The following MMP26 variants were observed in gnomAD, a reference collection of about 807,000 sequenced individuals.
MMP26 encodes the protein matrix metallopeptidase 26, also known as matrix metalloproteinase-26.
Under a neutral mutation model 31.0 loss-of-function variants are expected in MMP26, and 33 were observed. The ratio of observed to expected loss-of-function variants is 1.06; its 90% CI spans 0.81 to 1.42. MMP26 has a LOEUF of 1.42. MMP26 is among the 40% of genes most tolerant of loss of function. The pLI is 0.00. For missense variants in MMP26, 347 were observed against 316.1 expected, an observed-to-expected ratio of 1.10 and a Z score of -0.74; for synonymous variants, 122 against 114.9, an observed-to-expected ratio of 1.06 and a Z score of -0.40.
chr11:4,858,732 C>T (rs1850096248), intron 2 of MMP26, among the ~76,000 whole-genome samples: 1 of 152,082 alleles, frequency 6.6e-6, no homozygotes, highest in Admixed American at 6.5e-5. Context: ...CTTTAAAGTT[C>T]ATATGGAACC....
At chr11:4,888,159 A>G (rs1178866962) in intron 2 of MMP26, among the ~76,000 whole-genome samples, 1 of 152,182 alleles carries the variant, frequency 6.6e-6, no homozygotes, top group East Asian at 1.9e-4. Flanking sequence ...TGTTAATAAT[A>G]GTTTTCTAAT....
At chr11:4,762,292 T>C (rs760235653) in intron 1 of MMP26, among the ~76,000 whole-genome samples, 4 of 152,180 alleles carry the variant, frequency 2.6e-5, no homozygotes, top group Non-Finnish European at 1.5e-5. Context: ...TAGTTAATGT[T>C]TAGGTTTGCT....
intron 1 of MMP26, among the ~76,000 whole-genome samples, chr11:4,766,715 CCCTT>C (rs1554931059): frequency 8.8e-6 from 1 of 113,890 alleles, no homozygotes; most frequent in African/African-American, 3.9e-5. Flanking sequence ...CTCCCTCCCT[CCCTT>C]CCTTCCTTCC....
At chr11:4,947,302 A>T in intron 2 of MMP26, 1 of 393,586 alleles carries the variant, frequency 2.5e-6, no homozygotes, top group Non-Finnish European at 4.6e-6. Context: ...CTGTCGTATA[A>T]TACATTGGAA....
intron 2 of MMP26, among the ~76,000 whole-genome samples, chr11:4,859,073 A>G (rs1385461084): frequency 6.6e-6 from 1 of 152,238 alleles, no homozygotes; most frequent in African/African-American, 2.4e-5. Context: ...AAATTAATTC[A>G]AGATGGATTA....
At chr11:4,848,237 T>C in intron 2 of MMP26, 1 of 1,597,604 alleles carries the variant, frequency 6.3e-7, no homozygotes, top group Non-Finnish European at 8.5e-7. Flanking sequence ...GACATCCTAC[T>C]CACTGAGCAC....
chr11:4,906,659 G>T (rs1850894292), intron 2 of MMP26, among the ~76,000 whole-genome samples: 1 of 152,104 alleles, frequency 6.6e-6, no homozygotes, highest in Non-Finnish European at 1.5e-5. Context: ...TCTACATAAA[G>T]CTCAGAGATT....
At chr11:4,758,936 A>G (rs1267837708) in intron 1 of MMP26, among the ~76,000 whole-genome samples, 1 of 151,500 alleles carries the variant, frequency 6.6e-6, no homozygotes, top group Non-Finnish European at 1.5e-5. Context: ...ACACAGAGAA[A>G]CCCCGTCTCT....
intron 1 of MMP26, among the ~76,000 whole-genome samples, chr11:4,758,847 C>G (rs1201240740): frequency 6.6e-6 from 1 of 151,940 alleles, no homozygotes; most frequent in African/African-American, 2.4e-5. Context: ...CATGATGGCT[C>G]ACACCTGTAA....
chr11:4,791,268 G>T (rs1304945654), intron 2 of MMP26, among the ~76,000 whole-genome samples: 1 of 152,182 alleles, frequency 6.6e-6, no homozygotes, highest in African/African-American at 2.4e-5. Flanking sequence ...AATATTCCAG[G>T]CTAGGCAGCT....
intron 2 of MMP26, chr11:4,923,565 C>A (rs766039390): frequency 6.2e-7 from 1 of 1,613,950 alleles, no homozygotes; most frequent in South Asian, 1.1e-5. Flanking sequence ...AGAGACAAGC[C>A]AATCATGGGG....
At chr11:4,921,987 C>T (rs1851192215) in intron 2 of MMP26, among the ~76,000 whole-genome samples, 1 of 152,100 alleles carries the variant, frequency 6.6e-6, no homozygotes, top group African/African-American at 2.4e-5. Context: ...ATTTCTCATG[C>T]CTTACTGCCC....
chr11:4,802,835 T>C (rs1274066901), intron 2 of MMP26, among the ~76,000 whole-genome samples: 1 of 152,154 alleles, frequency 6.6e-6, no homozygotes. Context: ...CTTGCTTATT[T>C]GTCAAATTTT....
At chr11:4,785,957 A>G (rs1848937425) in intron 2 of MMP26, among the ~76,000 whole-genome samples, 1 of 152,238 alleles carries the variant, frequency 6.6e-6, no homozygotes, top group South Asian at 2.1e-4. Flanking sequence ...AATCTTACTC[A>G]GATGACAATC....
rs184996760 is a variant in MMP26 at position 4,731,929 on chromosome 11, T to C, written c.-217+26884T>C. On this transcript the variant is annotated intron_variant, in intron 1 of 7. Coordinates refer to ENST00000380390, the MANE Select transcript of MMP26 (RefSeq NM_021801.5). ...GGCATGGTAGACTATTAGCTCTTTA[T>C]CTGGGTATGGGGTTCTCTGTTCCTC... 5.9e-5 allele frequency among the ~76,000 whole-genome samples: 9 copies of C among 152,324 alleles called. No individual in the cohort carries two copies. In the East Asian group the frequency reaches 1.7e-3, roughly 29 times the overall value.
intron 1 of MMP26, among the ~76,000 whole-genome samples, chr11:4,753,140 C>T (rs561789216): frequency 1.3e-5 from 2 of 152,198 alleles, no homozygotes; most frequent in African/African-American, 4.8e-5. Context: ...TGTAACCGTG[C>T]CCAAGATCAA....
intron 1 of MMP26, among the ~76,000 whole-genome samples, chr11:4,729,320 A>G (rs1374627657): frequency 1.3e-5 from 2 of 152,150 alleles, no homozygotes; most frequent in African/African-American, 4.8e-5. Context: ...ATGGTGAGGT[A>G]ACCTGATTGC....
chr11:4,935,644 T>G (rs1851428730), intron 2 of MMP26, among the ~76,000 whole-genome samples: 1 of 151,850 alleles, frequency 6.6e-6, no homozygotes, highest in African/African-American at 2.4e-5. Flanking sequence ...AGGGCATCCC[T>G]GTCTTGTGCC....
At chr11:4,842,990 A>C (rs1849816824) in intron 2 of MMP26, among the ~76,000 whole-genome samples, 2 of 152,148 alleles carry the variant, frequency 1.3e-5, no homozygotes, top group Admixed American at 1.3e-4. Flanking sequence ...GCAGTCATTA[A>C]ATCTTAAATC....
Sources: allele counts gnomAD v4.1 joint callset (sites outside exome capture counted in the v4.1 genomes callset), GRCh38; gene constraint gnomAD v4.1.1; transcripts MANE v1.5; gene names NCBI Gene and HGNC (gene_info 2026-07-23, HGNC 2026-07-21).